NME8: variants seen among roughly 807,000 people sequenced by gnomAD.
NME8 encodes NME/NM23 family member 8, also known as protein NME8.
In NME8, 72 loss-of-function variants were observed where a neutral mutation model predicts 82.3. The observed-to-expected ratio is 0.87, with a 90% CI of 0.72 to 1.06. The LOEUF (loss-of-function observed/expected upper bound fraction) is 1.06. NME8 is among the 50% of genes least tolerant of loss of function. The probability of loss-of-function intolerance (pLI) is 0.00; values close to 1 mark genes in which losing one functional copy is unlikely to be tolerated. For missense variants in NME8, 712 were observed against 685.4 expected, an observed-to-expected ratio of 1.04 and a Z score of -0.43; for synonymous variants, 267 against 228.5, an observed-to-expected ratio of 1.17 and a Z score of -1.52.
Position 37,852,415 on chromosome 7 carries a change from A to C in NME8, c.198+1680A>C, listed in dbSNP as rs74959118. Among the ~76,000 whole-genome samples, 748 of 152,254 alleles carry C rather than the reference A, an allele frequency of 4.9e-3. 9 individuals are homozygous for C. The highest frequency in any genetic ancestry group is 0.017 in the African/African-American group (695 of 41,566). On this transcript the variant is annotated intron_variant, in intron 5 of 17. Coordinates refer to ENST00000199447, the MANE Select transcript of NME8 (RefSeq NM_016616.5). The stretch of plus-strand genomic sequence containing the variant: ...CGGTGTTGTACATTTTAGGGAGTTT[A>C]ACAAATGTGTAATGACATGTACTTA...
intron 11 of NME8, among the ~76,000 whole-genome samples, chr7:37,870,302 C>G (rs1784748792): frequency 6.6e-6 from 1 of 151,058 alleles, no homozygotes; most frequent in Admixed American, 6.6e-5. Flanking sequence ...AAAAGTTTAC[C>G]AATTTGAGCC....
intron 14 of NME8, among the ~76,000 whole-genome samples, chr7:37,886,158 A>C (rs1186553740): frequency 6.6e-6 from 1 of 152,196 alleles, no homozygotes; most frequent in Admixed American, 6.5e-5. Flanking sequence ...TTATGTGCCA[A>C]TGACTGTGAA....
At chr7:37,875,828 A>G (rs576960771) in intron 11 of NME8, among the ~76,000 whole-genome samples, 133 of 152,276 alleles carry the variant, frequency 8.7e-4, no homozygotes, top group Non-Finnish European at 1.5e-3. Flanking sequence ...TTACTGGAAA[A>G]GTAAGGAGAA....
intron 6 of NME8, among the ~76,000 whole-genome samples, chr7:37,861,570 G>A (rs1784597224): frequency 6.6e-6 from 1 of 152,108 alleles, no homozygotes; most frequent in South Asian, 2.1e-4. Flanking sequence ...ATTAGGTCAG[G>A]TACCAGATCC....
intron 8 of NME8, among the ~76,000 whole-genome samples, 165 bp from the exon 9 acceptor site, chr7:37,864,183 G>T (rs1784639355): frequency 6.6e-6 from 1 of 152,164 alleles, no homozygotes; most frequent in South Asian, 2.1e-4. Context: ...TTGATTCTAA[G>T]TAGGAACCCT....
intron 7 of NME8, among the ~76,000 whole-genome samples, chr7:37,862,971 T>A (rs1402473098): frequency 6.6e-6 from 1 of 151,940 alleles, no homozygotes; most frequent in Non-Finnish European, 1.5e-5. Flanking sequence ...AATACAAAAA[T>A]TAGCCGGGCA....
chr7:37,867,939 T>C (rs746962929), intron 11 of NME8, 41 bp downstream of exon 11: 2 of 1,571,180 alleles, frequency 1.3e-6, no homozygotes, highest in Non-Finnish European at 1.7e-6. Context: ...TGCAATGTGT[T>C]ATTGGGTAAT....
rs1335651483 is a variant in NME8 at position 37,884,292 on chromosome 7, T to C, written c.995-11T>C. The C allele has an allele frequency of 1.3e-6, 2 of 1,539,724 alleles. No individual in the cohort carries two copies. The highest frequency in any genetic ancestry group is 1.8e-6 in the Non-Finnish European group (2 of 1,112,714). On this transcript the variant is annotated splice_polypyrimidine_tract_variant and intron_variant, in intron 12 of 17. Transcript: ENST00000199447. ...CAGTTTAAAACTTATTATGTAACTG[T>C]TTTTATTTAGATGATGTTTTGCGTA...
At chr7:37,863,547 G>T in intron 8 of NME8, 85 bp downstream of exon 8, 1 of 790,648 alleles carries the variant, frequency 1.3e-6, no homozygotes. Flanking sequence ...CAAAACACTG[G>T]TAACAAATCC....
intron 7 of NME8, among the ~76,000 whole-genome samples, chr7:37,862,578 A>G (rs989099783): frequency 2.0e-5 from 3 of 152,024 alleles, no homozygotes; most frequent in African/African-American, 7.2e-5. Flanking sequence ...CATAAAAGCT[A>G]TTTGGATGAA....
chr7:37,868,089 A>G (rs1334620604), intron 11 of NME8, among the ~76,000 whole-genome samples, 191 bp downstream of exon 11: 2 of 152,184 alleles, frequency 1.3e-5, no homozygotes, highest in Non-Finnish European at 2.9e-5. Context: ...CTGGCATTGG[A>G]AAAAGTAGTT....
At chr7:37,872,492 C>T (rs1314673770) in intron 11 of NME8, among the ~76,000 whole-genome samples, 3 of 151,928 alleles carry the variant, frequency 2.0e-5, no homozygotes, top group Admixed American at 1.3e-4. Flanking sequence ...AATAAAATAA[C>T]AATAAAAAAA....
At chr7:37,855,510 T>TC (rs1328593220) in intron 5 of NME8, among the ~76,000 whole-genome samples, 1 of 64,110 alleles carries the variant, frequency 1.6e-5, no homozygotes, top group Non-Finnish European at 3.4e-5. Context: ...GGCATTCCCC[T>TC]CCCCCCACCA....
intron 5 of NME8, among the ~76,000 whole-genome samples, chr7:37,853,006 G>A (rs1470876093): frequency 1.3e-5 from 2 of 152,164 alleles, no homozygotes; most frequent in African/African-American, 4.8e-5. Flanking sequence ...CTGTTCTCTG[G>A]ATTTTGGTCA....
chr7:37,857,721 T>C (rs957260198), intron 6 of NME8, among the ~76,000 whole-genome samples: 13 of 152,220 alleles, frequency 8.5e-5, no homozygotes, highest in African/African-American at 3.1e-4. Context: ...AAAGCATCTG[T>C]ATGATCAGTC....
chr7:37,867,913 C>A lies in NME8; in HGVS notation c.818+15C>A. The A allele has an allele frequency of 6.2e-7, 1 of 1,610,610 alleles. No individual in the cohort carries two copies. The highest frequency in any genetic ancestry group is 1.1e-5 in the South Asian group (1 of 90,842). ...AAACAAGACAGGTATAGCTCAAGAC[C>A]AGGAATTGTGTTACTTGCAATGTGT... is the stretch of plus-strand genomic sequence containing the variant. On this transcript the variant is annotated intron_variant, in intron 11 of 17. Coordinates refer to ENST00000199447, the MANE Select transcript of NME8 (RefSeq NM_016616.5).
At chr7:37,853,222 A>G (rs1784460861) in intron 5 of NME8, among the ~76,000 whole-genome samples, 2 of 152,142 alleles carry the variant, frequency 1.3e-5, no homozygotes, top group Admixed American at 1.3e-4. Context: ...ATTTTGAATA[A>G]CAGTCTTTTA....
rs538306214 is a variant in NME8 at position 37,894,412 on chromosome 7, T to C, written c.1400-54T>C. ...CCTTAGTTATTTCAGTCTACTTGAGTATGGAGGAAAAGTGAAGCAATCTGC... is the reference window on the plus strand; with the variant it reads ...CCTTAGTTATTTCAGTCTACTTGAGCATGGAGGAAAAGTGAAGCAATCTGC... On this transcript the variant is annotated intron_variant, in intron 15 of 17. Transcript: ENST00000199447. 13 of 1,546,690 alleles carry C rather than the reference T, an allele frequency of 8.4e-6. No individual in the cohort carries two copies. In the South Asian group the frequency reaches 1.2e-4, roughly 15 times the overall value.
chr7:37,877,559 T>G (rs1784875603), intron 12 of NME8, among the ~76,000 whole-genome samples: 1 of 152,164 alleles, frequency 6.6e-6, no homozygotes, highest in Admixed American at 6.5e-5. Context: ...CCATTAATAT[T>G]TATATATTGG....
Sources: gnomAD v4.1 joint callset for allele counts (sites outside exome capture counted in the v4.1 genomes callset) on GRCh38, gnomAD v4.1.1 for gene constraint, MANE v1.5 for transcripts, NCBI Gene and HGNC (gene_info 2026-07-23, HGNC 2026-07-21) for gene names.